The following GRIA4 variants were observed in gnomAD, a reference collection of about 807,000 sequenced individuals.
The protein encoded by GRIA4 is glutamate receptor 4.
Under a neutral mutation model 104.0 loss-of-function variants are expected in GRIA4, and 34 were observed. The ratio of observed to expected loss-of-function variants is 0.33; its 90% CI spans 0.25 to 0.44. The LOEUF is 0.44. Ranked by LOEUF, GRIA4 falls within the 20% of genes least tolerant of loss-of-function variation. The pLI is 1.00. For missense variants in GRIA4, 750 were observed against 1,096.5 expected (o/e 0.68, Z 4.46); for synonymous variants, 386 against 381.9 (o/e 1.01, Z -0.13).
At chr11:105,811,701 A>G (rs1943179381) in intron 4 of GRIA4, among the ~76,000 whole-genome samples, 1 of 152,180 alleles carries the variant, frequency 6.6e-6, no homozygotes, top group South Asian at 2.1e-4. Context: ...GTTGCATGGG[A>G]CATATTAAAA....
At chr11:105,884,624 A>G (rs1481597061) in intron 5 of GRIA4, among the ~76,000 whole-genome samples, 2 of 152,162 alleles carry the variant, frequency 1.3e-5, no homozygotes, top group Admixed American at 6.5e-5. Context: ...AAATCTCCAG[A>G]TCCCTGCTCC....
intron 3 of GRIA4, among the ~76,000 whole-genome samples, chr11:105,636,721 T>G (rs1951213299): frequency 6.6e-6 from 1 of 152,178 alleles, no homozygotes; most frequent in South Asian, 2.1e-4. Flanking sequence ...GGATGCTTAT[T>G]TAATCCATGA....
At chr11:105,647,971 TAAATA>T (rs919979305) in intron 3 of GRIA4, among the ~76,000 whole-genome samples, 13 of 151,014 alleles carry the variant, frequency 8.6e-5, no homozygotes, top group Non-Finnish European at 1.8e-4. Flanking sequence ...AATAAATAAA[TAAATA>T]AATAAATAAA....
intron 3 of GRIA4, among the ~76,000 whole-genome samples, chr11:105,751,622 C>A (rs549379013): frequency 6.6e-6 from 1 of 152,242 alleles, no homozygotes; most frequent in African/African-American, 2.4e-5. Flanking sequence ...AATATAATAT[C>A]TATCAAAATA....
At chr11:105,645,370 T>C (rs972450143) in intron 3 of GRIA4, among the ~76,000 whole-genome samples, 3 of 152,152 alleles carry the variant, frequency 2.0e-5, no homozygotes, top group Non-Finnish European at 2.9e-5. Context: ...AAACCCAGAA[T>C]GCAGCTGTCT....
At chr11:105,794,704 C>T (rs1942409311) in intron 4 of GRIA4, among the ~76,000 whole-genome samples, 1 of 149,666 alleles carries the variant, frequency 6.7e-6, no homozygotes, top group Admixed American at 6.7e-5. Flanking sequence ...TGAGACCTGT[C>T]CTTACAGAGC....
intron 4 of GRIA4, among the ~76,000 whole-genome samples, chr11:105,788,697 A>G (rs1456155174): frequency 2.6e-5 from 4 of 152,172 alleles, no homozygotes; most frequent in African/African-American, 9.6e-5. Flanking sequence ...AACAATGAGT[A>G]CACATGAACA....
chr11:105,791,029 T>G (rs1942191519), intron 4 of GRIA4, among the ~76,000 whole-genome samples: 3 of 152,162 alleles, frequency 2.0e-5, no homozygotes, highest in African/African-American at 7.2e-5. Context: ...GCCCTCCCAC[T>G]GGGTAGATGA....
chr11:105,658,082 GA>G (rs1333209039), intron 3 of GRIA4, among the ~76,000 whole-genome samples: 1 of 151,666 alleles, frequency 6.6e-6, no homozygotes, highest in African/African-American at 2.4e-5. Context: ...AAGTATAGTA[GA>G]ATTTTTTTAA....
chr11:105,765,164 A>C (rs1201983145), intron 4 of GRIA4, among the ~76,000 whole-genome samples: 1 of 152,196 alleles, frequency 6.6e-6, no homozygotes, highest in African/African-American at 2.4e-5. Context: ...TTCAAACAGC[A>C]GCCCAACTTA....
rs960879340 is a variant in GRIA4, at chr11:105,979,874, C to T, written c.*135C>T. The T allele has an allele frequency of 5.0e-6, 3 of 597,260 alleles. No individual in the cohort carries two copies. The highest frequency in any genetic ancestry group is 8.8e-6 in the Non-Finnish European group (3 of 340,054). The allele number at this position is 597,260 out of a possible 1,614,324, so 37.0% of individuals were successfully genotyped here. On this transcript the variant is annotated 3_prime_UTR_variant, in exon 17 of 17. Transcript: ENST00000282499. The stretch of plus-strand genomic sequence containing the variant: ...AGAGCGGGAAGTCCGTCCTAACGCG[C>T]TGGCCGGACATCAGCAGCAGCAACG...
chr11:105,926,663 G>A (rs1947716029), intron 12 of GRIA4, 78 bp from the exon 13 acceptor site: 1 of 854,262 alleles, frequency 1.2e-6, no homozygotes, highest in Non-Finnish European at 2.0e-6. Context: ...AAATATGCAT[G>A]GTGAATTGAC....
At chr11:105,871,896 G>A (rs1945630834) in intron 5 of GRIA4, among the ~76,000 whole-genome samples, 2 of 151,836 alleles carry the variant, frequency 1.3e-5, no homozygotes, top group East Asian at 1.9e-4. Context: ...CATTTTTGTG[G>A]GTATAGATTA....
chr11:105,813,969 T>G (rs1463777289), intron 4 of GRIA4, among the ~76,000 whole-genome samples: 1 of 151,998 alleles, frequency 6.6e-6, no homozygotes, highest in African/African-American at 2.4e-5. Flanking sequence ...AAGATCCGAA[T>G]AGAAGAGAGA....
intron 10 of GRIA4, chr11:105,911,806 A>ATATATATG (rs1318702218): frequency 1.5e-4 from 43 of 285,648 alleles, no homozygotes; most frequent in African/African-American, 5.0e-4. Flanking sequence ...ATATATATAT[A>ATATATATG]TATGTTTCTT....
intron 3 of GRIA4, among the ~76,000 whole-genome samples, chr11:105,714,579 G>A (rs1332457299): frequency 6.6e-6 from 1 of 151,946 alleles, no homozygotes; most frequent in East Asian, 1.9e-4. Flanking sequence ...CTTACAAAAT[G>A]TAATGGATTC....
In GRIA4 at chr11:105,671,395, G is replaced by A. The variant is rs573624916; in HGVS notation, c.247+58961G>A. On this transcript the variant is annotated intron_variant, in intron 3 of 16. Transcript: ENST00000282499. ...AGTTTCAAAATAAGAATAACTTTGGGGCTGGGTGTGGTGGCTCACACCTGT... is the reference window on the plus strand; with the variant it reads ...AGTTTCAAAATAAGAATAACTTTGGAGCTGGGTGTGGTGGCTCACACCTGT... 5.9e-5 allele frequency among the ~76,000 whole-genome samples: 9 copies of A among 151,952 alleles called. 1 individual carries two copies. Among genetic ancestry groups the A allele is most frequent in the South Asian group, 4.2e-4 (2 of 4,814 alleles).
intron 9 of GRIA4, among the ~76,000 whole-genome samples, chr11:105,910,217 T>G (rs959577616): frequency 6.6e-6 from 1 of 152,130 alleles, no homozygotes; most frequent in African/African-American, 2.4e-5. Context: ...AACAGTAAAT[T>G]TGCCAAACAT....
At chr11:105,821,730 A>G (rs1683078458) in intron 4 of GRIA4, among the ~76,000 whole-genome samples, 2 of 152,128 alleles carry the variant, frequency 1.3e-5, no homozygotes, top group African/African-American at 4.8e-5. Context: ...TATCCAAAGT[A>G]TATCAGAGAC....
Sources: gnomAD v4.1 joint callset for allele counts (sites outside exome capture counted in the v4.1 genomes callset) on GRCh38, gnomAD v4.1.1 for gene constraint, MANE v1.5 for transcripts, NCBI Gene and HGNC (gene_info 2026-07-23, HGNC 2026-07-21) for gene names.